Variants in SYT6 observed in about 807,000 individuals in gnomAD.
SYT6 encodes the protein synaptotagmin 6.
SYT6 carries 24 observed loss-of-function variants against 38.4 expected under a neutral mutation model. That is an observed-to-expected ratio of 0.62 (90% CI 0.45 to 0.88). SYT6 has a LOEUF of 0.88. Among genes scored for constraint, SYT6 ranks in the 40% least tolerant of loss-of-function variants. The pLI is 0.00. For synonymous variants in SYT6, 265 were observed against 241.9 expected, an observed-to-expected ratio of 1.10 and a Z score of -0.89; for missense variants, 611 against 621.0, an observed-to-expected ratio of 0.98 and a Z score of 0.17.
intron 1 of SYT6, among the ~76,000 whole-genome samples, chr1:114,145,875 GA>G (rs1679131102): frequency 6.6e-6 from 1 of 152,182 alleles, no homozygotes; most frequent in African/African-American, 2.4e-5. Flanking sequence ...ATTCGTAAAT[GA>G]AAAGAGAGGT....
intron 3 of SYT6, among the ~76,000 whole-genome samples, chr1:114,129,255 A>G (rs1395760734): frequency 2.0e-5 from 3 of 152,146 alleles, no homozygotes; most frequent in Admixed American, 6.5e-5. Flanking sequence ...CTACCACCAT[A>G]TTTGTTCAAC....
In SYT6 at chr1:114,143,371, T is replaced by A. The variant is rs143630761; in HGVS notation, c.164-3408A>T. On this transcript the variant is annotated intron_variant, in intron 1 of 7. Coordinates refer to ENST00000610222, the MANE Select transcript of SYT6 (RefSeq NM_001253772.2). ...TGTATAAAAGTTTTAGATACATATA[T>A]GTATATATAGTATAAAAGTAGTATA... is the stretch of plus-strand genomic sequence containing the variant. Among the ~76,000 whole-genome samples, 5 of 148,926 alleles carry A rather than the reference T, an allele frequency of 3.4e-5. No individual in the cohort carries two copies. The East Asian group carries it at 9.7e-4, about 29-fold the overall frequency.
At chr1:114,144,817 G>T (rs971114019) in intron 1 of SYT6, among the ~76,000 whole-genome samples, 3 of 152,026 alleles carry the variant, frequency 2.0e-5, no homozygotes, top group African/African-American at 7.2e-5. Flanking sequence ...ACTCTCTCTG[G>T]GAAGCCAGCA....
intron 3 of SYT6, among the ~76,000 whole-genome samples, chr1:114,123,099 T>G (rs6686342): frequency 6.6e-6 from 1 of 151,974 alleles, no homozygotes; most frequent in Non-Finnish European, 1.5e-5. Flanking sequence ...ATTGATCCTG[T>G]GAGGGGCTGG....
At chr1:114,153,460 C>G in intron 1 of SYT6, 150 bp downstream of exon 1, 1 of 527,678 alleles carries the variant, frequency 1.9e-6, no homozygotes, top group East Asian at 3.5e-5. Context: ...AAGCGATGGG[C>G]CAGAGGGCTG....
At chr1:114,152,848 C>T (rs929780150) in intron 1 of SYT6, 1 of 152,224 alleles carries the variant, frequency 6.6e-6, no homozygotes, top group Non-Finnish European at 1.5e-5. Context: ...AGGGTCAGCG[C>T]GGATCGGGCA....
At chr1:114,131,159 T>A (rs1314729503) in intron 3 of SYT6, among the ~76,000 whole-genome samples, 1 of 152,194 alleles carries the variant, frequency 6.6e-6, no homozygotes, top group Non-Finnish European at 1.5e-5. Context: ...GCCTCCCCCA[T>A]CAGACTGCGA....
At chr1:114,109,269 T>A (rs1352374179) in intron 3 of SYT6, among the ~76,000 whole-genome samples, 1 of 152,250 alleles carries the variant, frequency 6.6e-6, no homozygotes, top group Non-Finnish European at 1.5e-5. Context: ...CTCACCAGAT[T>A]GTATGCTCTT....
chr1:114,098,675 C>T (rs961214029), intron 5 of SYT6, among the ~76,000 whole-genome samples: 5 of 152,138 alleles, frequency 3.3e-5, no homozygotes, highest in Non-Finnish European at 5.9e-5. Flanking sequence ...AGTATGTTGA[C>T]CGAATTGTGG....
intron 5 of SYT6, among the ~76,000 whole-genome samples, chr1:114,098,861 A>C (rs953446337): frequency 6.6e-6 from 1 of 152,212 alleles, no homozygotes; most frequent in Non-Finnish European, 1.5e-5. Context: ...AAACTGATGG[A>C]CAGAGCTGCC....
chr1:114,133,104 A>AAC (rs139971036), intron 3 of SYT6, among the ~76,000 whole-genome samples: 2 of 151,480 alleles, frequency 1.3e-5, no homozygotes, highest in South Asian at 4.2e-4. Context: ...TCACCCCTAA[A>AAC]ACACACACAC....
chr1:114,149,223 G>GTGTGTGTGTGTGTGTGTGTGCGTGCA (rs531593752), intron 1 of SYT6, among the ~76,000 whole-genome samples: 1 of 133,264 alleles, frequency 7.5e-6, no homozygotes. Context: ...GAGATTGTGT[G>GTGTGTGTGTGTGTGTGTGTGCGTGCA]TGTGTGTGTG....
At position 114,115,765 on chromosome 1, in the gene SYT6, G is replaced by A. The variant is rs574071354; in HGVS notation, c.1072-12044C>T. On this transcript the variant is annotated intron_variant, in intron 3 of 7. Transcript: ENST00000610222. ...CTCATACTCTATGCCTGGGAGGAGC[G>A]CATAATCATCTCTACATTGTACTGA... is the stretch of plus-strand genomic sequence containing the variant. 5.9e-5 allele frequency among the ~76,000 whole-genome samples: 9 copies of A among 152,144 alleles called. No individual in the cohort carries two copies. The East Asian group carries it at 7.8e-4, about 13-fold the overall frequency.
intron 3 of SYT6, among the ~76,000 whole-genome samples, chr1:114,108,291 G>T (rs1676451987): frequency 6.6e-6 from 1 of 152,130 alleles, no homozygotes; most frequent in South Asian, 2.1e-4. Flanking sequence ...GTGCTCCCTG[G>T]CTTCCCAGAG....
intron 3 of SYT6, among the ~76,000 whole-genome samples, chr1:114,119,402 G>A (rs562810475): frequency 6.6e-6 from 1 of 152,338 alleles, no homozygotes; most frequent in South Asian, 2.1e-4. Flanking sequence ...TCTAACACTG[G>A]ATGACGATAA....
intron 3 of SYT6, among the ~76,000 whole-genome samples, chr1:114,109,272 A>G (rs1057207981): frequency 3.3e-5 from 5 of 152,198 alleles, no homozygotes; most frequent in Admixed American, 2.0e-4. Context: ...ACCAGATTGT[A>G]TGCTCTTTGA....
intron 3 of SYT6, among the ~76,000 whole-genome samples, chr1:114,129,778 A>C (rs901359836): frequency 2.7e-5 from 4 of 150,744 alleles, no homozygotes; most frequent in Non-Finnish European, 5.9e-5. Context: ...CCCAGGCTCA[A>C]GCGATTGTCC....
rs1300927129 is a variant in SYT6, at chr1:114,089,314, T to C, written c.*2820A>G. ...AAATGGGCAAGAGACAGAGATTTAA[T>C]TGAATAAAAACTCCAGGCTGTGACA... On this transcript the variant is annotated 3_prime_UTR_variant, in exon 8 of 8. Transcript: ENST00000610222. 7 of 152,706 alleles carry C rather than the reference T, an allele frequency of 4.6e-5. No homozygotes were observed. Among genetic ancestry groups the C allele is most frequent in the Non-Finnish European group, 1.0e-4 (7 of 68,030 alleles). 9.5% of individuals were successfully genotyped at this position (152,706 alleles called of 1,614,324 possible). A position where few individuals can be genotyped will look rare whatever the true frequency, so the allele number is the denominator to read the frequency against.
intron 7 of SYT6, 96 bp downstream of exon 7, chr1:114,093,639 T>A: frequency 1.7e-6 from 2 of 1,194,406 alleles, no homozygotes; most frequent in Non-Finnish European, 1.2e-6. Context: ...TTCCACTCCA[T>A]CCTGCTGCTA....
Sources: allele counts gnomAD v4.1 joint callset (sites outside exome capture counted in the v4.1 genomes callset), GRCh38; gene constraint gnomAD v4.1.1; transcripts MANE v1.5; gene names NCBI Gene and HGNC (gene_info 2026-07-23, HGNC 2026-07-21).